MACROD2: variants seen among roughly 807,000 people sequenced by gnomAD.
MACROD2 encodes mono-ADP ribosylhydrolase 2, also known as ADP-ribose glycohydrolase MACROD2.
In MACROD2, 36 loss-of-function variants were observed where a neutral mutation model predicts 70.4. That is an observed-to-expected ratio of 0.51 (90% CI 0.39 to 0.68). MACROD2 has a LOEUF of 0.68. MACROD2 is among the 30% of genes least tolerant of loss of function. The probability of loss-of-function intolerance (pLI) is 0.00; values close to 1 mark genes in which losing one functional copy is unlikely to be tolerated. For synonymous variants in MACROD2, 172 were observed against 178.8 expected (o/e 0.96, Z 0.30); for missense variants, 496 against 538.4 (o/e 0.92, Z 0.78).
intron 6 of MACROD2, among the ~76,000 whole-genome samples, chr20:15,370,139 A>G (rs1190172291): frequency 6.6e-6 from 1 of 152,138 alleles, no homozygotes. Context: ...ATCGGAAACC[A>G]AGAATGGAAT....
intron 5 of MACROD2, among the ~76,000 whole-genome samples, chr20:15,046,112 T>G (rs552643678): frequency 8.5e-5 from 13 of 152,118 alleles, no homozygotes; most frequent in Non-Finnish European, 1.5e-4. Flanking sequence ...CCTTTTTCTC[T>G]TCTGTTTTAG....
chr20:14,862,630 AATAT>A (rs1180613085), intron 5 of MACROD2, among the ~76,000 whole-genome samples: 1 of 10,216 alleles, frequency 9.8e-5, no homozygotes, highest in Non-Finnish European at 2.2e-4. Flanking sequence ...TATATATATA[AATAT>A]ATATATAAAT....
intron 3 of MACROD2, among the ~76,000 whole-genome samples, chr20:14,283,925 T>C (rs562655790): frequency 2.6e-5 from 4 of 152,336 alleles, no homozygotes; most frequent in Non-Finnish European, 5.9e-5. Context: ...AAAGGTGGTA[T>C]CTGACATAGG....
chr20:14,316,899 C>T (rs2082615896), intron 3 of MACROD2, among the ~76,000 whole-genome samples: 1 of 151,966 alleles, frequency 6.6e-6, no homozygotes, highest in Non-Finnish European at 1.5e-5. Flanking sequence ...ACACCTTCTC[C>T]TCCTCTTTTA....
chr20:14,605,792 A>G (rs1982762098), intron 4 of MACROD2, among the ~76,000 whole-genome samples: 1 of 152,272 alleles, frequency 6.6e-6, no homozygotes, highest in Admixed American at 6.5e-5. Flanking sequence ...TATGATAATC[A>G]ATTTTCTAAG....
intron 3 of MACROD2, among the ~76,000 whole-genome samples, chr20:14,261,449 CTTTTG>C (rs902449662): frequency 6.6e-6 from 1 of 152,030 alleles, no homozygotes; most frequent in African/African-American, 2.4e-5. Flanking sequence ...TATATCATCT[CTTTTG>C]TTTTAACAGT....
At chr20:15,392,489 T>C (rs1367754556) in intron 6 of MACROD2, among the ~76,000 whole-genome samples, 1 of 152,202 alleles carries the variant, frequency 6.6e-6, no homozygotes, top group Non-Finnish European at 1.5e-5. Context: ...GACTTTTTTT[T>C]CCCAATTACT....
At chr20:15,597,763 A>T (rs2048764974) in intron 8 of MACROD2, among the ~76,000 whole-genome samples, 1 of 152,224 alleles carries the variant, frequency 6.6e-6, no homozygotes, top group South Asian at 2.1e-4. Flanking sequence ...AGAAGGCAGT[A>T]GAAACAAAAG....
intron 17 of MACROD2, among the ~76,000 whole-genome samples, chr20:16,045,923 G>T (rs2067373567): frequency 6.6e-6 from 1 of 151,726 alleles, no homozygotes. Flanking sequence ...CTGATGAGAA[G>T]AATTAGAAGA....
intron 3 of MACROD2, among the ~76,000 whole-genome samples, chr20:14,472,084 A>C (rs1434604215): frequency 6.6e-6 from 1 of 152,164 alleles, no homozygotes; most frequent in Non-Finnish European, 1.5e-5. Flanking sequence ...GGGAGTTTCA[A>C]CAAATTTTAA....
intron 3 of MACROD2, among the ~76,000 whole-genome samples, chr20:14,471,853 C>T (rs1292505283): frequency 6.6e-6 from 1 of 151,956 alleles, no homozygotes; most frequent in African/African-American, 2.4e-5. Context: ...AAAATGTATA[C>T]AAATGGGACA....
At chr20:14,603,358 C>T (rs1982610837) in intron 4 of MACROD2, among the ~76,000 whole-genome samples, 1 of 152,070 alleles carries the variant, frequency 6.6e-6, no homozygotes, top group South Asian at 2.1e-4. Flanking sequence ...TCTGGTAGTG[C>T]ACAATAGCCT....
chr20:14,464,325 G>C (rs551973711), intron 3 of MACROD2, among the ~76,000 whole-genome samples: 1 of 152,086 alleles, frequency 6.6e-6, no homozygotes, highest in Non-Finnish European at 1.5e-5. Context: ...TTTGCGTAGA[G>C]GTATTTGTAG....
intron 5 of MACROD2, among the ~76,000 whole-genome samples, chr20:15,025,856 C>T (rs1294160154): frequency 2.0e-5 from 3 of 152,102 alleles, no homozygotes; most frequent in African/African-American, 4.8e-5. Context: ...ATTAATCCCC[C>T]TCAACCCATT....
intron 4 of MACROD2, among the ~76,000 whole-genome samples, chr20:14,620,625 G>T (rs767067053): frequency 6.6e-6 from 1 of 152,032 alleles, no homozygotes; most frequent in Non-Finnish European, 1.5e-5. Context: ...TAGGGGTGCT[G>T]GTGTTAGTAA....
chr20:14,591,035 CT>C (rs1358762414), intron 4 of MACROD2, among the ~76,000 whole-genome samples: 1 of 152,120 alleles, frequency 6.6e-6, no homozygotes, highest in Non-Finnish European at 1.5e-5. Context: ...CTGTATTTTT[CT>C]ACCATAGCAG....
intron 13 of MACROD2, among the ~76,000 whole-genome samples, chr20:15,984,081 T>C (rs1402824758): frequency 6.6e-6 from 1 of 151,906 alleles, no homozygotes; most frequent in African/African-American, 2.4e-5. Context: ...TTATCTAATT[T>C]TTTATGTTTG....
chr20:14,193,352 A>G (rs1198419281), intron 3 of MACROD2, among the ~76,000 whole-genome samples: 2 of 152,226 alleles, frequency 1.3e-5, no homozygotes, highest in Non-Finnish European at 1.5e-5. Context: ...ATTAAGCACT[A>G]TATGAAATGG....
chr20:15,488,431 T>G (rs1412953842), intron 7 of MACROD2, among the ~76,000 whole-genome samples: 1 of 152,308 alleles, frequency 6.6e-6, no homozygotes, highest in Non-Finnish European at 1.5e-5. Context: ...CAGACAGAGC[T>G]CTGTCTCATG....
Sources: gnomAD v4.1 joint callset for allele counts (sites outside exome capture counted in the v4.1 genomes callset) on GRCh38, gnomAD v4.1.1 for gene constraint, MANE v1.5 for transcripts, NCBI Gene and HGNC (gene_info 2026-07-23, HGNC 2026-07-21) for gene names.